Variants in ZNF280D observed in about 807,000 individuals in gnomAD.
The protein encoded by ZNF280D is zinc finger protein 280D.
Under a neutral mutation model 94.7 loss-of-function variants are expected in ZNF280D, and 39 were observed. The observed-to-expected ratio is 0.41, with a 90% confidence interval of 0.32 to 0.54. The LOEUF (loss-of-function observed/expected upper bound fraction) is 0.54, where lower values mean the gene tolerates loss of function less well. Ranked by LOEUF, ZNF280D falls within the 20% of genes least tolerant of loss-of-function variation. The pLI, the probability that ZNF280D is intolerant of heterozygous loss-of-function variation, is 0.22. For synonymous variants in ZNF280D, 398 were observed against 377.6 expected (o/e 1.05, Z -0.63); for missense variants, 1,090 against 1,149.3 (o/e 0.95, Z 0.75).
At position 56,631,818 on chromosome 15, in the gene ZNF280D, C is replaced by T. The variant is rs907246493; in HGVS notation, c.2620G>A (p.Ala874Thr). Residue 874 changes from alanine to threonine, a missense_variant, in exon 22 of 22, where the codon GCC (alanine) becomes ACC (threonine). Physicochemically the swap from Ala to Thr is moderately conservative, Grantham distance 58. This residue lies in a region of ZNF280D where 577 missense variants were observed against 568.8 expected (regional missense o/e 1.01). Coordinates refer to ENST00000267807, the MANE Select transcript of ZNF280D (RefSeq NM_017661.4). ...TTAATATTCTTTGAAGAAAATCTGG[C>T]TTCACTGGAGTTGTGATCTTTAATC... ...DQIKDHNSSE[A>T]RFSSKNIKDL... 2.1e-5 allele frequency: 34 copies of T among 1,614,028 alleles called. No individual in the cohort carries two copies. The highest frequency in any genetic ancestry group is 4.4e-5 in the South Asian group (4 of 91,082).
intron 10 of ZNF280D, among the ~76,000 whole-genome samples, chr15:56,680,060 T>C (rs2055515587): frequency 6.6e-6 from 1 of 152,210 alleles, no homozygotes; most frequent in South Asian, 2.1e-4. Context: ...CAACTCATAC[T>C]TCTCAAACCA....
At position 56,693,155 on chromosome 15, in the gene ZNF280D, A is replaced by T. The variant is rs770066173; in HGVS notation, c.442T>A (p.Leu148Met). The change falls in exon 7 of 22, where the codon TTG (leucine) becomes ATG (methionine). Residue 148 changes from leucine (L) to methionine (M), a missense_variant. Physicochemically the swap from Leu to Met is conservative, Grantham distance 15. Coordinates refer to ENST00000267807, the MANE Select transcript of ZNF280D (RefSeq NM_017661.4). ...TGTGATAATCCTGTATCCTGGGTCA[A>T]GTCAAACAGTAACTCTGATGACTTA... ...SNKSSELLFD[L>M]TQDTGLSHYQ... 4 of 1,606,178 alleles carry T rather than the reference A, an allele frequency of 2.5e-6. No individual in the cohort carries two copies. The highest frequency in any genetic ancestry group is 3.4e-6 in the Non-Finnish European group (4 of 1,176,520).
At chr15:56,727,745 TAGAC>T (rs1261984898) in intron 1 of ZNF280D, among the ~76,000 whole-genome samples, 2 of 152,306 alleles carry the variant, frequency 1.3e-5, no homozygotes, top group South Asian at 2.1e-4. Flanking sequence ...AACACAAAGA[TAGAC>T]AGCAGCACTT....
chr15:56,638,485 T>C (rs2052459943), intron 20 of ZNF280D, among the ~76,000 whole-genome samples: 1 of 152,162 alleles, frequency 6.6e-6, no homozygotes. Flanking sequence ...AAAAGATTAT[T>C]GAAGTACTGG....
At chr15:56,687,217 G>T (rs565124085) in intron 9 of ZNF280D, among the ~76,000 whole-genome samples, 126 of 152,100 alleles carry the variant, frequency 8.3e-4, no homozygotes, top group African/African-American at 2.8e-3. Context: ...TAGTTCAGTT[G>T]TAAGAAATAC....
chr15:56,677,534 CA>C, intron 12 of ZNF280D, 39 bp downstream of exon 12: 1 of 1,452,712 alleles, frequency 6.9e-7, no homozygotes, highest in Non-Finnish European at 9.6e-7. Context: ...AAACAACAAA[CA>C]AACCAAACAC....
chr15:56,726,634 T>TA (rs1270568125), intron 1 of ZNF280D, among the ~76,000 whole-genome samples: 20 of 152,088 alleles, frequency 1.3e-4, no homozygotes, highest in Non-Finnish European at 2.6e-4. Context: ...CCAACTATGC[T>TA]AAAAAAATAA....
chr15:56,679,990 T>C (rs574553215), intron 10 of ZNF280D, among the ~76,000 whole-genome samples: 2 of 152,356 alleles, frequency 1.3e-5, no homozygotes, highest in South Asian at 2.1e-4. Flanking sequence ...TTAAAGTCTA[T>C]TAACATAAAA....
rs1566920247 is a variant in ZNF280D at position 56,631,209 on chromosome 15, A to G, written c.*289T>C. The G allele has an allele frequency of 3.3e-6, 1 of 299,104 alleles. No homozygotes were observed. The highest frequency in any genetic ancestry group is 6.2e-6 in the Non-Finnish European group (1 of 160,798). The allele number at this position is 299,104 out of a possible 1,614,324, so 18.5% of individuals were successfully genotyped here. On this transcript the variant is annotated 3_prime_UTR_variant, in exon 22 of 22. Coordinates refer to ENST00000267807, the MANE Select transcript of ZNF280D (RefSeq NM_017661.4). Reference sequence around the variant, plus strand: ...ATATCATCAATTCATGTCAGCAACCAAATCCCATTTCCTTGAAAACCATTA... The same window carrying G: ...ATATCATCAATTCATGTCAGCAACCGAATCCCATTTCCTTGAAAACCATTA...
intron 16 of ZNF280D, among the ~76,000 whole-genome samples, chr15:56,663,724 T>C (rs960552735): frequency 2.6e-5 from 4 of 152,166 alleles, no homozygotes; most frequent in African/African-American, 9.7e-5. Flanking sequence ...GAGTATATTT[T>C]GAATGTTCCC....
At chr15:56,634,386 T>TG (rs1472347299) in intron 21 of ZNF280D, among the ~76,000 whole-genome samples, 1 of 152,142 alleles carries the variant, frequency 6.6e-6, no homozygotes, top group Non-Finnish European at 1.5e-5. Flanking sequence ...AATACAGAGA[T>TG]GACCAGTCCG....
At chr15:56,700,268 G>T in intron 6 of ZNF280D, 1 of 700,718 alleles carries the variant, frequency 1.4e-6, no homozygotes, top group Non-Finnish European at 1.8e-6. Flanking sequence ...TCCATCAACT[G>T]CCAGCTTTGG....
intron 1 of ZNF280D, among the ~76,000 whole-genome samples, chr15:56,722,770 C>T (rs1340362895): frequency 6.6e-6 from 1 of 152,100 alleles, no homozygotes; most frequent in African/African-American, 2.4e-5. Flanking sequence ...TATAAAGACA[C>T]ATGCACACGT....
At chr15:56,700,616 T>C (rs1201395086) in intron 6 of ZNF280D, 2 of 1,237,236 alleles carry the variant, frequency 1.6e-6, no homozygotes. Flanking sequence ...TGGTCCCGTC[T>C]GCAATCTTAA....
At chr15:56,707,015 C>G in intron 3 of ZNF280D, 67 bp downstream of exon 3, 1 of 1,489,988 alleles carries the variant, frequency 6.7e-7, no homozygotes, top group Non-Finnish European at 9.3e-7. Flanking sequence ...AACTTTCATC[C>G]TTTCTCCTGA....
chr15:56,721,745 G>A (rs1365091407), intron 1 of ZNF280D, among the ~76,000 whole-genome samples: 4 of 152,168 alleles, frequency 2.6e-5, no homozygotes, highest in East Asian at 3.8e-4. Context: ...ATGTTGTGGC[G>A]GGTTTGATCT....
chr15:56,638,739 A>C (rs1412429004), intron 20 of ZNF280D, among the ~76,000 whole-genome samples: 1 of 152,166 alleles, frequency 6.6e-6, no homozygotes, highest in Non-Finnish European at 1.5e-5. Flanking sequence ...AATAGTTTTA[A>C]AATATCATTA....
intron 1 of ZNF280D, 153 bp from the exon 2 acceptor site, chr15:56,707,459 A>G (rs2057477758): frequency 5.1e-6 from 2 of 395,808 alleles, no homozygotes; most frequent in South Asian, 6.6e-5. Context: ...TCCTGAATAA[A>G]CCCAAATTTA....
At chr15:56,709,189 G>C (rs2057603658) in intron 1 of ZNF280D, among the ~76,000 whole-genome samples, 1 of 152,190 alleles carries the variant, frequency 6.6e-6, no homozygotes, top group Non-Finnish European at 1.5e-5. Flanking sequence ...TCATCAAAAA[G>C]TGGGCAAAGG....
Sources: gnomAD v4.1 joint callset for allele counts (sites outside exome capture counted in the v4.1 genomes callset) on GRCh38, gnomAD v4.1.1 for gene constraint, gnomAD v4.1.1 regional missense constraint, MANE v1.5 for transcripts, NCBI Gene and HGNC (gene_info 2026-07-23, HGNC 2026-07-21) for gene names.